The following IQSEC2 variants were observed in gnomAD, a reference collection of about 807,000 sequenced individuals.
IQSEC2 encodes the protein IQ motif and SEC7 domain-containing protein 2.
A neutral mutation model predicts 74.6 loss-of-function variants in IQSEC2; 6 were observed. The ratio of observed to expected loss-of-function variants is 0.08; its 90% confidence interval spans 0.04 to 0.16. The LOEUF (loss-of-function observed/expected upper bound fraction) is 0.16. IQSEC2 is among the 10% of genes least tolerant of loss of function. IQSEC2 has a pLI of 1.00. For missense variants in IQSEC2, 734 were observed against 1,306.2 expected (o/e 0.56, Z 6.75); for synonymous variants, 494 against 544.5 (o/e 0.91, Z 1.29).
At chrX:53,240,024 T>A (rs2074194560) in intron 10 of IQSEC2, among the ~76,000 whole-genome samples, 2 of 111,954 alleles carry the variant, frequency 1.8e-5, no homozygotes, top group Admixed American at 9.4e-5. Context: ...GAGCTGGACA[T>A]ACACCAGTTT....
chrX:53,285,807 G>A (rs1212412306), intron 2 of IQSEC2, among the ~76,000 whole-genome samples: 2 of 112,701 alleles, frequency 1.8e-5, no homozygotes, highest in African/African-American at 6.4e-5. Context: ...CCCTAGTCTC[G>A]GCCAGAGGAT....
chrX:53,234,675 GC>G lies in IQSEC2; in HGVS notation c.4010del (p.Gly1337AlafsTer60). The G allele has an allele frequency of 8.8e-7, 1 of 1,138,803 alleles. No homozygotes were observed. The highest frequency in any genetic ancestry group is 1.2e-6 in the Non-Finnish European group (1 of 858,622). 93.9% of individuals were successfully genotyped at this position (1,138,803 alleles called of 1,213,427 possible). On this transcript the variant is annotated frameshift_variant, in exon 15 of 15. Transcript: ENST00000642864. LOFTEE classifies it high-confidence loss of function. ...CCCGTCTGGGTGCCCTGCCTGGCCGGCCCAAGGTATAGTGTTGGGGCCCTGG... is the reference window on the plus strand; with the variant it reads ...CCCGTCTGGGTGCCCTGCCTGGCCGGCCAAGGTATAGTGTTGGGGCCCTGG... ...PVPGPQHYTL[G>X]RPGRAPRRGA...
At position 53,248,866 on chromosome X, in the gene IQSEC2, T is replaced by C; in HGVS notation, c.2314A>G (p.Ile772Val). The change falls in exon 6 of 15, where the codon ATC becomes GTC. Residue 772 changes from isoleucine (I) to valine (V), a missense_variant. This residue lies in a region of IQSEC2 where 14 missense variants were observed against 20.4 expected (regional missense o/e 0.69). Coordinates refer to ENST00000642864, the MANE Select transcript of IQSEC2 (RefSeq NM_001111125.3). ...AAGCCCCGCTCGATCAGATACTGGA[T>C]ACCCTTCTCTGGCTTCCTGCAGAAA... is the stretch of plus-strand genomic sequence containing the variant. ...NLFNKKPEKG[I>V]QYLIERGFLS... is the part of the protein sequence containing the mutation. 8.3e-7 allele frequency: 1 copy of C among 1,210,293 alleles called. No homozygotes were observed. Among genetic ancestry groups the C allele is most frequent in the South Asian group, 1.8e-5 (1 of 56,612 alleles).
At chrX:53,248,611 C>T (rs1556862547) in intron 6 of IQSEC2, 110 bp downstream of exon 6, 1 of 850,725 alleles carries the variant, frequency 1.2e-6, no homozygotes, top group East Asian at 3.2e-5. Flanking sequence ...TCTATTCATC[C>T]TGTTTTGAAA....
chrX:53,248,065 G>C lies in IQSEC2; in HGVS notation c.2582+49C>G, dbSNP rs782729269. ...GTGACTTATAAACACATACTACGTC[G>C]ATGCCCACAGGAGGGAGGGGCAGCT... On this transcript the variant is annotated intron_variant, in intron 7 of 14. Coordinates refer to ENST00000642864, the MANE Select transcript of IQSEC2 (RefSeq NM_001111125.3). 6 of 1,200,787 alleles carry C rather than the reference G, an allele frequency of 5.0e-6. No homozygotes were observed. In the Admixed American group the frequency reaches 1.1e-4, roughly 22 times the overall value.
chrX:53,257,830 T>C (rs924459514), intron 2 of IQSEC2, among the ~76,000 whole-genome samples: 1 of 112,107 alleles, frequency 8.9e-6, no homozygotes, highest in Non-Finnish European at 1.9e-5. Context: ...AGGTAGGTAC[T>C]GTAATTTATC....
Position 53,320,475 on chromosome X carries a change from C to A in IQSEC2, c.649G>T (p.Ala217Ser), listed in dbSNP as rs1208700189. Residue 217 changes from alanine (A) to serine (S), a missense_variant, in exon 1 of 15, where the codon GCC (alanine) becomes TCC (serine). Ala to Ser is a moderately conservative substitution (Grantham distance 99). Around this residue, in one of 12 missense-constraint regions of IQSEC2, gnomAD observed 134 missense variants for 214.9 expected, o/e 0.62. Coordinates refer to ENST00000642864, the MANE Select transcript of IQSEC2 (RefSeq NM_001111125.3). The stretch of plus-strand genomic sequence containing the variant: ...GTACTGGTGCTGTGGCCTCCGCCGG[C>A]GCCGGGACTGGAGCTCCTGGATGCG... ...RGASRSSSPG[A>S]GGGHSTSTST... 1.7e-6 allele frequency: 2 copies of A among 1,165,770 alleles called. No homozygotes were observed. Among genetic ancestry groups the A allele is most frequent in the African/African-American group, 1.8e-5 (1 of 56,310 alleles).
chrX:53,281,559 A>C lies in IQSEC2; in HGVS notation c.737+10336T>G, dbSNP rs1602338196. The C allele has an allele frequency of 4.4e-6, 5 of 1,146,695 alleles. No homozygotes were observed. In the East Asian group the frequency reaches 1.7e-4, roughly 39 times the overall value. The allele number at this position is 1,146,695 out of a possible 1,213,427, so 94.5% of individuals were successfully genotyped here. ...GTCCCAAGGGCAGGCCCCCTGGCCTAGCCGGTGTCTCCACCGTGTCACCAC... is the reference window on the plus strand; with the variant it reads ...GTCCCAAGGGCAGGCCCCCTGGCCTCGCCGGTGTCTCCACCGTGTCACCAC... On this transcript the variant is annotated intron_variant, in intron 2 of 14. Coordinates refer to ENST00000642864, the MANE Select transcript of IQSEC2 (RefSeq NM_001111125.3).
chrX:53,227,827 C>T (rs189949958), downstream of IQSEC2: 149 of 175,684 alleles, frequency 8.5e-4, no homozygotes, highest in Middle Eastern at 8.2e-3. Flanking sequence ...AGTCTTCCTA[C>T]AGCCTTCTTT....
At position 53,235,125 on chromosome X, in the gene IQSEC2, C is replaced by T. The variant is rs1286507586; in HGVS notation, c.3561G>A (p.Pro1187=). The T allele has an allele frequency of 5.3e-5, 9 of 170,681 alleles. No individual in the cohort carries two copies. The highest frequency in any genetic ancestry group is 1.1e-4 in the Admixed American group (1 of 9,265). The allele number at this position is 170,681 out of a possible 1,213,427, so 14.1% of individuals were successfully genotyped here. A position where few individuals can be genotyped will look rare whatever the true frequency, so the allele number is the denominator to read the frequency against. Residue 1187 remains proline, a synonymous_variant, in exon 15 of 15, where the codon CCG becomes CCA. Transcript: ENST00000642864. ...TCTGGCTCTTGTACTCCTCTGGCGG[C>T]GGGGGTGGGGGCGGAGGTGGCATCC... is the stretch of plus-strand genomic sequence containing the variant. The part of the protein sequence containing the change: ...HQRMPPPPPP[P]PPEEYKSQRP...
At chrX:53,253,731 T>A (rs1323796922) in intron 4 of IQSEC2, among the ~76,000 whole-genome samples, 2 of 111,424 alleles carry the variant, frequency 1.8e-5, no homozygotes, top group Non-Finnish European at 3.8e-5. Flanking sequence ...AATGCACACA[T>A]ATGTCTGCCA....
intron 1 of IQSEC2, among the ~76,000 whole-genome samples, chrX:53,301,447 A>G (rs2075210365): frequency 8.9e-6 from 1 of 112,386 alleles, no homozygotes; most frequent in African/African-American, 3.2e-5. Context: ...AAAGGTCTGT[A>G]ATGCCATCAG....
At chrX:53,255,469 A>G (rs946205537) in intron 3 of IQSEC2, among the ~76,000 whole-genome samples, 3 of 111,400 alleles carry the variant, frequency 2.7e-5, no homozygotes, top group African/African-American at 9.8e-5. Context: ...CAAACAATCT[A>G]TTGTATGGCA....
At chrX:53,254,954 A>T (rs1556864753) in intron 3 of IQSEC2, 23 bp from the exon 4 acceptor site, 2 of 1,203,460 alleles carry the variant, frequency 1.7e-6, no homozygotes, top group South Asian at 3.6e-5. Context: ...GGTCGAGGGG[A>T]ACAAGGTCAG....
chrX:53,302,390 C>T (rs2146470217), intron 1 of IQSEC2, among the ~76,000 whole-genome samples: 1 of 112,712 alleles, frequency 8.9e-6, no homozygotes, highest in African/African-American at 3.2e-5. Flanking sequence ...TTTCCAAGTG[C>T]CTTGAACAGT....
At chrX:53,242,817 C>T (rs1469141036) in intron 9 of IQSEC2, among the ~76,000 whole-genome samples, 1 of 111,507 alleles carries the variant, frequency 9.0e-6, no homozygotes, top group Non-Finnish European at 1.9e-5. Context: ...CTCACTGCAA[C>T]CTCCGCCTCC....
chrX:53,270,325 T>A (rs1487809166), intron 2 of IQSEC2, among the ~76,000 whole-genome samples: 3 of 111,355 alleles, frequency 2.7e-5, no homozygotes, highest in African/African-American at 9.8e-5. Context: ...TACCATCTCA[T>A]CTTCTACTCC....
chrX:53,282,034 A>G (rs2074974219), intron 2 of IQSEC2, among the ~76,000 whole-genome samples: 1 of 112,182 alleles, frequency 8.9e-6, no homozygotes, highest in Non-Finnish European at 1.9e-5. Flanking sequence ...AGCACAGTTA[A>G]AGAGACTATG....
chrX:53,275,567 G>A (rs782772389), intron 2 of IQSEC2, among the ~76,000 whole-genome samples: 117 of 111,522 alleles, frequency 1.0e-3, no homozygotes, highest in African/African-American at 3.7e-3. Flanking sequence ...GATTTGAGAT[G>A]TCTTTTGTCA....
Sources: gnomAD v4.1 joint callset for allele counts (sites outside exome capture counted in the v4.1 genomes callset) on GRCh38, gnomAD v4.1.1 for gene constraint, gnomAD v4.1.1 regional missense constraint, MANE v1.5 for transcripts, NCBI Gene and HGNC (gene_info 2026-07-23, HGNC 2026-07-21) for gene names.